Variants in CNOT4 observed in about 807,000 individuals in gnomAD.
CNOT4 encodes CCR4-NOT transcription complex subunit 4.
Under a neutral mutation model 73.8 loss-of-function variants are expected in CNOT4, and 8 were observed. The ratio of observed to expected loss-of-function variants is 0.11; its 90% CI spans 0.06 to 0.20. CNOT4 has a LOEUF of 0.20. Ranked by LOEUF, CNOT4 falls within the 10% of genes least tolerant of loss-of-function variation. The pLI is 1.00. For synonymous variants in CNOT4, 293 were observed against 321.1 expected, an observed-to-expected ratio of 0.91 and a Z score of 0.94; for missense variants, 564 against 883.4, an observed-to-expected ratio of 0.64 and a Z score of 4.58.
intron 1 of CNOT4, among the ~76,000 whole-genome samples, chr7:135,461,788 C>T (rs1368073072): frequency 6.6e-6 from 1 of 152,040 alleles, no homozygotes; most frequent in East Asian, 1.9e-4. Context: ...GCCGAGATCG[C>T]ACCACTACAC....
intron 10 of CNOT4, among the ~76,000 whole-genome samples, chr7:135,379,186 G>A (rs916655752): frequency 1.3e-5 from 2 of 152,090 alleles, no homozygotes; most frequent in Admixed American, 6.5e-5. Flanking sequence ...ACAAGCTACC[G>A]GAAAGAGACT....
intron 9 of CNOT4, among the ~76,000 whole-genome samples, chr7:135,395,201 T>C (rs1168088648): frequency 6.6e-6 from 1 of 151,978 alleles, no homozygotes; most frequent in African/African-American, 2.4e-5. Context: ...CTGGGCAGTA[T>C]AGCAAGACCC....
chr7:135,459,229 T>C (rs973269446), intron 1 of CNOT4, among the ~76,000 whole-genome samples: 1 of 151,804 alleles, frequency 6.6e-6, no homozygotes. Flanking sequence ...GAGCGGTAGG[T>C]CTCAACAGCG....
intron 1 of CNOT4, among the ~76,000 whole-genome samples, chr7:135,468,343 A>T (rs985380337): frequency 1.3e-5 from 2 of 152,082 alleles, no homozygotes; most frequent in African/African-American, 4.8e-5. Flanking sequence ...GGAACAATAC[A>T]TTTCCCCACT....
chr7:135,368,640 T>C (rs925166167), intron 10 of CNOT4, among the ~76,000 whole-genome samples: 1 of 151,796 alleles, frequency 6.6e-6, no homozygotes, highest in African/African-American at 2.4e-5. Flanking sequence ...ATTCGTGGAG[T>C]TGCCATTTTA....
chr7:135,373,611 T>C (rs1260203618), intron 10 of CNOT4, among the ~76,000 whole-genome samples: 2 of 152,148 alleles, frequency 1.3e-5, no homozygotes, highest in African/African-American at 4.8e-5. Context: ...CAAGTCTTGC[T>C]CTGTCACCTA....
intron 3 of CNOT4, among the ~76,000 whole-genome samples, chr7:135,419,085 T>C (rs528433139): frequency 2.0e-5 from 3 of 152,298 alleles, no homozygotes; most frequent in Admixed American, 1.3e-4. Context: ...TTTTAGGACT[T>C]AGAAGGTGAT....
At chr7:135,448,773 G>A (rs1207258388) in intron 1 of CNOT4, among the ~76,000 whole-genome samples, 2 of 151,994 alleles carry the variant, frequency 1.3e-5, no homozygotes, top group Admixed American at 6.6e-5. Flanking sequence ...TTATTAAAAA[G>A]AACCAAATGG....
At chr7:135,446,257 T>TG (rs1240415848) in intron 1 of CNOT4, among the ~76,000 whole-genome samples, 1 of 152,042 alleles carries the variant, frequency 6.6e-6, no homozygotes, top group Non-Finnish European at 1.5e-5. Flanking sequence ...ACTAGGGGGC[T>TG]GGGGGAGAAG....
In CNOT4 at chr7:135,439,492, C is replaced by G. The variant is rs922646429; in HGVS notation, c.-92-1069G>C. Among the ~76,000 whole-genome samples the G allele has an allele frequency of 2.6e-5, 4 of 152,282 alleles. No homozygotes were observed. The East Asian group carries it at 5.8e-4, about 22-fold the overall frequency. ...TAAAGAATCTAGATATAGCTGGGTA[C>G]AGCAGCTCATGACTGTAATCCCAGC... is the stretch of plus-strand genomic sequence containing the variant. On this transcript the variant is annotated intron_variant, in intron 1 of 11. Transcript: ENST00000541284.
At chr7:135,455,532 T>A (rs1452799953) in intron 1 of CNOT4, among the ~76,000 whole-genome samples, 1 of 151,504 alleles carries the variant, frequency 6.6e-6, no homozygotes, top group Non-Finnish European at 1.5e-5. Context: ...TTTAAATAAA[T>A]ACATACTTCA....
chr7:135,476,206 T>C (rs1366293255), intron 1 of CNOT4, among the ~76,000 whole-genome samples: 1 of 152,148 alleles, frequency 6.6e-6, no homozygotes, highest in East Asian at 1.9e-4. Flanking sequence ...GTAGGGGCTG[T>C]TATCTTCAAC....
rs752972204 is a variant in CNOT4, at chr7:135,410,531, G to A, written c.805C>T (p.Leu269=). ...AATACTTACGTATCGTACCTCTGCA[G>A]TGGTGTCACTTTGTTCTTATTTTTA... ...VDKNKNKVTP[L]QRYDTPIDKP... is the part of the protein sequence containing the mutation. Residue 269 remains leucine (L), a synonymous_variant, in exon 7 of 12, where the codon CTG becomes TTG. Transcript: ENST00000541284. 2.6e-6 allele frequency: 4 copies of A among 1,546,592 alleles called. No individual in the cohort carries two copies. Among genetic ancestry groups the A allele is most frequent in the East Asian group, 4.9e-5 (2 of 40,628 alleles).
chr7:135,435,084 G>A lies in CNOT4; in HGVS notation c.174+3074C>T, dbSNP rs566263385. Among the ~76,000 whole-genome samples, 114 of 152,126 alleles carry A rather than the reference G, an allele frequency of 7.5e-4. 1 individual carries two copies. In the South Asian group the frequency reaches 0.02, roughly 27 times the overall value. ...TCTGTAATTGTAAAATGAAAATACC[G>A]GTATTAATTTTAGTCTTGTTCTGTT... On this transcript the variant is annotated intron_variant, in intron 2 of 11. Coordinates refer to ENST00000541284, the MANE Select transcript of CNOT4 (RefSeq NM_001190850.2).
At chr7:135,430,157 T>C (rs775231046) in intron 2 of CNOT4, among the ~76,000 whole-genome samples, 5 of 152,152 alleles carry the variant, frequency 3.3e-5, no homozygotes, top group Admixed American at 6.5e-5. Context: ...TGAGGAAACA[T>C]TTCCCAACTC....
intron 1 of CNOT4, among the ~76,000 whole-genome samples, chr7:135,479,544 A>G (rs1802228607): frequency 6.6e-6 from 1 of 152,104 alleles, no homozygotes; most frequent in Non-Finnish European, 1.5e-5. Flanking sequence ...AATCTAAAAC[A>G]TAAATACTGG....
At position 135,431,651 on chromosome 7, in the gene CNOT4, G is replaced by A. The variant is rs368082291; in HGVS notation, c.174+6507C>T. On this transcript the variant is annotated intron_variant, in intron 2 of 11. Transcript: ENST00000541284. ...CCAGCTACTCCAGAGGCTGAGGCAG[G>A]AGAATCACTTGAACCCGGCAGGTGG... Among the ~76,000 whole-genome samples the A allele has an allele frequency of 5.7e-4, 86 of 152,004 alleles. No homozygotes were observed. The East Asian group carries it at 0.016, about 27-fold the overall frequency.
chr7:135,471,839 G>T (rs1403046321), intron 1 of CNOT4, among the ~76,000 whole-genome samples: 2 of 152,200 alleles, frequency 1.3e-5, no homozygotes, highest in East Asian at 3.8e-4. Flanking sequence ...CTAGCGGAGA[G>T]TTGGAAGGCA....
At chr7:135,457,436 T>C (rs1800611127) in intron 1 of CNOT4, among the ~76,000 whole-genome samples, 1 of 152,108 alleles carries the variant, frequency 6.6e-6, no homozygotes, top group African/African-American at 2.4e-5. Context: ...GCATTCTCTA[T>C]GATACACAGT....
Sources: gnomAD v4.1 joint callset for allele counts (sites outside exome capture counted in the v4.1 genomes callset) on GRCh38, gnomAD v4.1.1 for gene constraint, MANE v1.5 for transcripts, NCBI Gene and HGNC (gene_info 2026-07-23, HGNC 2026-07-21) for gene names.